CADM2: variants seen among roughly 807,000 people sequenced by gnomAD.
CADM2 encodes the protein immunoglobulin superfamily member 4D.
In CADM2, 12 loss-of-function variants were observed where a neutral mutation model predicts 49.8. The observed-to-expected ratio is 0.24, with a 90% confidence interval of 0.15 to 0.39. The LOEUF (loss-of-function observed/expected upper bound fraction) is 0.39. Among genes scored for constraint, CADM2 ranks in the 10% least tolerant of loss-of-function variants. CADM2 has a pLI of 1.00. For synonymous variants in CADM2, 214 were observed against 175.4 expected (o/e 1.22, Z -1.74); for missense variants, 378 against 492.3 (o/e 0.77, Z 2.20).
intron 3 of CADM2, among the ~76,000 whole-genome samples, chr3:85,880,696 C>T (rs947014350): frequency 6.6e-6 from 1 of 152,134 alleles, no homozygotes; most frequent in African/African-American, 2.4e-5. Flanking sequence ...ATAAGCTATT[C>T]TCTTGGGATC....
intron 2 of CADM2, among the ~76,000 whole-genome samples, chr3:85,732,533 GT>G (rs2067976056): frequency 6.6e-6 from 1 of 152,044 alleles, no homozygotes; most frequent in Non-Finnish European, 1.5e-5. Context: ...CTACCTTCTA[GT>G]TCACCTCACT....
At chr3:84,986,343 AT>A (rs1332491883) in intron 1 of CADM2, among the ~76,000 whole-genome samples, 1 of 152,146 alleles carries the variant, frequency 6.6e-6, no homozygotes, top group African/African-American at 2.4e-5. Flanking sequence ...AATTTAATAT[AT>A]GGGGGTCATG....
intron 1 of CADM2, among the ~76,000 whole-genome samples, chr3:85,330,226 A>G (rs1055937179): frequency 6.6e-6 from 1 of 152,174 alleles, no homozygotes; most frequent in East Asian, 1.9e-4. Context: ...ACTTGGAAAC[A>G]TCACCTAACC....
chr3:85,207,360 A>G (rs2041671206), intron 1 of CADM2, among the ~76,000 whole-genome samples: 1 of 152,104 alleles, frequency 6.6e-6, no homozygotes, highest in South Asian at 2.1e-4. Flanking sequence ...TTTTAGAGGT[A>G]TTTCTGCTTT....
intron 8 of CADM2, among the ~76,000 whole-genome samples, chr3:85,978,287 A>G (rs1727041286): frequency 6.6e-6 from 1 of 151,140 alleles, no homozygotes; most frequent in Admixed American, 6.6e-5. Context: ...AGGAAAGAGG[A>G]TTTGGGCATT....
At chr3:85,543,498 G>C (rs1266442348) in intron 1 of CADM2, among the ~76,000 whole-genome samples, 1 of 150,874 alleles carries the variant, frequency 6.6e-6, no homozygotes. Flanking sequence ...TGGTTAGGCT[G>C]GTCTCAATCT....
At chr3:85,479,760 G>C (rs1445479608) in intron 1 of CADM2, among the ~76,000 whole-genome samples, 4 of 151,906 alleles carry the variant, frequency 2.6e-5, no homozygotes, top group Admixed American at 1.3e-4. Flanking sequence ...GTATTAGGCA[G>C]TAACTCACTT....
intron 1 of CADM2, among the ~76,000 whole-genome samples, chr3:85,165,396 C>A (rs75256344): frequency 0.069 from 10,485 of 151,836 alleles, 1,215 homozygotes; most frequent in African/African-American, 0.24. Context: ...AACTTAAGAA[C>A]GCACTTAAAA....
At chr3:85,216,863 A>T (rs2041939984) in intron 1 of CADM2, among the ~76,000 whole-genome samples, 1 of 152,124 alleles carries the variant, frequency 6.6e-6, no homozygotes. Flanking sequence ...AGAATATAAT[A>T]AAATGGCACA....
intron 1 of CADM2, among the ~76,000 whole-genome samples, chr3:85,319,380 T>C (rs2044545047): frequency 6.6e-6 from 1 of 152,162 alleles, no homozygotes; most frequent in Non-Finnish European, 1.5e-5. Context: ...TGGAAAGCTG[T>C]GTGGCAATTC....
intron 6 of CADM2, among the ~76,000 whole-genome samples, chr3:85,913,195 G>A (rs1043939324): frequency 6.6e-6 from 1 of 152,146 alleles, no homozygotes; most frequent in African/African-American, 2.4e-5. Flanking sequence ...TGAAGATTAT[G>A]GAGGCTGAGT....
intron 1 of CADM2, among the ~76,000 whole-genome samples, chr3:85,144,619 A>AG (rs1158957099): frequency 1.1e-4 from 14 of 128,422 alleles, no homozygotes; most frequent in Non-Finnish European, 1.6e-4. Flanking sequence ...CTCAAAAAAA[A>AG]AAAAGAAAGA....
intron 3 of CADM2, among the ~76,000 whole-genome samples, chr3:85,805,789 C>T (rs975020173): frequency 4.6e-5 from 7 of 152,128 alleles, no homozygotes; most frequent in Admixed American, 2.6e-4. Flanking sequence ...ACTTGTTTTA[C>T]TAGTGAAGAC....
chr3:84,971,677 A>T (rs914805981), intron 1 of CADM2, among the ~76,000 whole-genome samples: 1 of 152,166 alleles, frequency 6.6e-6, no homozygotes, highest in Non-Finnish European at 1.5e-5. Flanking sequence ...AGAACATATT[A>T]TCCCTGAAAG....
intron 1 of CADM2, among the ~76,000 whole-genome samples, chr3:85,498,073 C>T (rs549090434): frequency 6.6e-6 from 1 of 152,048 alleles, no homozygotes; most frequent in South Asian, 2.1e-4. Context: ...CCCAGCAGCA[C>T]ATGTTCCCAG....
chr3:85,087,318 A>T (rs375855047), intron 1 of CADM2, among the ~76,000 whole-genome samples: 1 of 152,144 alleles, frequency 6.6e-6, no homozygotes. Flanking sequence ...TTAATTTTAG[A>T]TTCTTTATCT....
chr3:85,699,937 T>A lies in CADM2; in HGVS notation c.62-26585T>A, dbSNP rs187431251. 9.2e-5 allele frequency among the ~76,000 whole-genome samples: 14 copies of A among 152,310 alleles called. No homozygotes were observed. In the East Asian group the frequency reaches 2.5e-3, roughly 27 times the overall value. On this transcript the variant is annotated intron_variant, in intron 1 of 9. Transcript: ENST00000383699. ...GCTCTGCTTATCCTTTAAATATTAG[T>A]TCTAGTTTTACTAGAAATACCATTT...
intron 1 of CADM2, among the ~76,000 whole-genome samples, chr3:85,368,927 A>G (rs1388303790): frequency 6.6e-6 from 1 of 152,148 alleles, no homozygotes; most frequent in Non-Finnish European, 1.5e-5. Flanking sequence ...TTGCCAGTCC[A>G]ACTCCATCAG....
intron 3 of CADM2, among the ~76,000 whole-genome samples, chr3:85,857,046 A>G (rs186336421): frequency 5.3e-5 from 8 of 152,290 alleles, no homozygotes; most frequent in Admixed American, 4.6e-4. Context: ...GGGCAACAGC[A>G]TAGTTGGGTT....
Sources: allele counts gnomAD v4.1 joint callset (sites outside exome capture counted in the v4.1 genomes callset), GRCh38; gene constraint gnomAD v4.1.1; transcripts MANE v1.5; gene names NCBI Gene and HGNC (gene_info 2026-07-23, HGNC 2026-07-21).